Variants in CCDC66 observed in about 807,000 individuals in gnomAD.
The protein encoded by CCDC66 is coiled-coil domain-containing protein 66.
In CCDC66, 133 loss-of-function variants were observed where a neutral mutation model predicts 128.3. The observed-to-expected ratio is 1.04, with a 90% confidence interval of 0.90 to 1.20. The LOEUF is 1.20. Ranked by LOEUF, CCDC66 falls within the 50% of genes most tolerant of loss-of-function variation. The probability of loss-of-function intolerance (pLI) is 0.00; values close to 1 mark genes in which losing one functional copy is unlikely to be tolerated. For synonymous variants in CCDC66, 387 were observed against 357.0 expected (o/e 1.08, Z -0.95); for missense variants, 1,126 against 1,075.5 (o/e 1.05, Z -0.66).
chr3:56,619,668 T>G (rs113441941), intron 16 of CCDC66, 109 bp from the exon 17 acceptor site: 4 of 1,489,208 alleles, frequency 2.7e-6, no homozygotes, highest in African/African-American at 1.4e-5. Context: ...TCTTAGTACT[T>G]TCCTAGGATA....
chr3:56,617,251 A>G lies in CCDC66; in HGVS notation c.1983A>G (p.Glu661=). 1 of 1,614,068 alleles carries G rather than the reference A, an allele frequency of 6.2e-7. No homozygotes were observed. The highest frequency in any genetic ancestry group is 8.5e-7 in the Non-Finnish European group (1 of 1,179,996). ...GQFSTKKNKQ[E]LTQDKGASLE... Reference sequence around the variant, plus strand: ...TTAGCACCAAGAAAAACAAGCAAGAACTAACTCAGGATAAAGGAGCCAGCT... The same window carrying G: ...TTAGCACCAAGAAAAACAAGCAAGAGCTAACTCAGGATAAAGGAGCCAGCT... The change falls in exon 14 of 18, where the codon GAA becomes GAG. Residue 661 remains glutamate (E), a synonymous_variant. Transcript: ENST00000394672.
At chr3:56,558,931 C>T (rs2064731972) in intron 2 of CCDC66, 21 bp downstream of exon 2, 1 of 1,494,524 alleles carries the variant, frequency 6.7e-7, no homozygotes, top group African/African-American at 1.4e-5. Flanking sequence ...TTACAGAAAT[C>T]TGAAATGTTA....
intron 10 of CCDC66, among the ~76,000 whole-genome samples, chr3:56,603,026 G>A (rs981783969): frequency 4.0e-5 from 6 of 151,596 alleles, no homozygotes; most frequent in Middle Eastern, 3.4e-3. Flanking sequence ...TAGTAGAGAC[G>A]GGGTTTCACC....
intron 13 of CCDC66, 125 bp from the exon 14 acceptor site, chr3:56,616,987 T>G: frequency 1.3e-6 from 1 of 773,152 alleles, no homozygotes. Context: ...AGGTTCGGTT[T>G]TGTTGAAAAT....
Position 56,596,921 on chromosome 3 carries a change from A to ATT in CCDC66, c.1404+2910_1404+2911dup, listed in dbSNP as rs34101943. Among the ~76,000 whole-genome samples, 495 of 132,300 alleles carry ATT rather than the reference A, an allele frequency of 3.7e-3. 3 individuals carry two copies. The highest frequency in any genetic ancestry group is 9.7e-3 in the African/African-American group (340 of 34,952). 86.8% of individuals were successfully genotyped at this position (132,300 alleles called of 152,430 possible). A position where few individuals can be genotyped will look rare whatever the true frequency, so the allele number is the denominator to read the frequency against. ...GGGTGCATGCCACCACACCTGGCTA[A>ATT]TTTTTTTTTTTTTTTTTTAGTACAG... is the stretch of plus-strand genomic sequence containing the variant. On this transcript the variant is annotated intron_variant, in intron 10 of 17. Coordinates refer to ENST00000394672, the MANE Select transcript of CCDC66 (RefSeq NM_001141947.3).
At chr3:56,594,080 G>A in intron 10 of CCDC66, 52 bp downstream of exon 10, 1 of 1,466,306 alleles carries the variant, frequency 6.8e-7, no homozygotes, top group Non-Finnish European at 9.6e-7. Flanking sequence ...CAGTCATGGT[G>A]AACATATACC....
chr3:56,590,515 T>C (rs747041928), intron 7 of CCDC66, among the ~76,000 whole-genome samples: 1 of 152,104 alleles, frequency 6.6e-6, no homozygotes, highest in Non-Finnish European at 1.5e-5. Flanking sequence ...AGTGGCTCTT[T>C]GGGAGATCAA....
In CCDC66 at chr3:56,593,714, T is replaced by C; in HGVS notation, c.1292T>C (p.Val431Ala). 1 of 1,612,970 alleles carries C rather than the reference T, an allele frequency of 6.2e-7. No homozygotes were observed. The highest frequency in any genetic ancestry group is 8.5e-7 in the Non-Finnish European group (1 of 1,178,946). ...CATATAGCAAAACCTATTAAGGATG[T>C]GGTTATGGCAAACAGTAAGAAAACA... is the stretch of plus-strand genomic sequence containing the variant. ...EEHIAKPIKD[V>A]VMANSKKTNF... The change falls in exon 9 of 18, where the codon GTG becomes GCG. Residue 431 changes from valine to alanine, a missense_variant. Coordinates refer to ENST00000394672, the MANE Select transcript of CCDC66 (RefSeq NM_001141947.3).
chr3:56,597,923 T>G (rs1029367896), intron 10 of CCDC66, among the ~76,000 whole-genome samples: 1 of 151,456 alleles, frequency 6.6e-6, no homozygotes, highest in African/African-American at 2.4e-5. Flanking sequence ...TACAGGCATG[T>G]GCCACCGCAC....
intron 3 of CCDC66, among the ~76,000 whole-genome samples, chr3:56,563,112 G>A (rs1291578039): frequency 1.3e-5 from 2 of 151,996 alleles, no homozygotes; most frequent in African/African-American, 2.4e-5. Flanking sequence ...TGTAATCCCA[G>A]CTCTTTGGGA....
intron 7 of CCDC66, chr3:56,572,981 C>T (rs544820802): frequency 7.2e-5 from 11 of 152,104 alleles, no homozygotes; most frequent in African/African-American, 1.7e-4. Flanking sequence ...ATGCAGACAC[C>T]GTTAAAAGTT....
intron 10 of CCDC66, among the ~76,000 whole-genome samples, chr3:56,604,764 G>T (rs548326227): frequency 6.6e-6 from 1 of 151,926 alleles, no homozygotes; most frequent in African/African-American, 2.4e-5. Flanking sequence ...GTGTCTTTGG[G>T]TTGCTCTTCT....
intron 14 of CCDC66, 64 bp downstream of exon 14, chr3:56,617,669 C>T (rs994294594): frequency 5.9e-6 from 9 of 1,524,526 alleles, no homozygotes; most frequent in East Asian, 2.3e-5. Flanking sequence ...GTTTCTCATA[C>T]GTATGCTTTG....
intron 7 of CCDC66, 60 bp downstream of exon 7, chr3:56,571,362 T>A: frequency 8.4e-7 from 1 of 1,191,290 alleles, no homozygotes; most frequent in Non-Finnish European, 1.1e-6. Context: ...ATAGAATTTA[T>A]TTTTAAAGCT....
Position 56,584,594 on chromosome 3 carries a change from C to T in CCDC66, c.937-8376C>T, listed in dbSNP as rs1241510691. 2.6e-5 allele frequency among the ~76,000 whole-genome samples: 4 copies of T among 151,122 alleles called. No homozygotes were observed. In the Admixed American group the frequency reaches 2.7e-4, roughly 10 times the overall value. On this transcript the variant is annotated intron_variant, in intron 7 of 17. Coordinates refer to ENST00000394672, the MANE Select transcript of CCDC66 (RefSeq NM_001141947.3). Reference sequence around the variant, plus strand: ...GGGATGGCGGCCGGGAAGAGGCGCTCCTGACTTCCCAGACTGGGCGGCCGG... The same window carrying T: ...GGGATGGCGGCCGGGAAGAGGCGCTTCTGACTTCCCAGACTGGGCGGCCGG...
chr3:56,604,588 TAAG>T (rs2073782203), intron 10 of CCDC66, among the ~76,000 whole-genome samples: 1 of 151,874 alleles, frequency 6.6e-6, no homozygotes, highest in Non-Finnish European at 1.5e-5. Context: ...TTTTTTTTTT[TAAG>T]AATGTTGAAT....
chr3:56,579,132 G>T (rs1222415269), intron 7 of CCDC66, among the ~76,000 whole-genome samples: 4 of 151,836 alleles, frequency 2.6e-5, no homozygotes, highest in African/African-American at 9.6e-5. Flanking sequence ...TGGTTTAGAT[G>T]TGGGAGGGTG....
chr3:56,591,946 G>C (rs2070983376), intron 7 of CCDC66, among the ~76,000 whole-genome samples: 1 of 152,104 alleles, frequency 6.6e-6, no homozygotes, highest in Admixed American at 6.6e-5. Context: ...GAAATGTTTT[G>C]TTGTTTGCCT....
chr3:56,588,423 A>G (rs901735900), intron 7 of CCDC66, among the ~76,000 whole-genome samples: 12 of 152,194 alleles, frequency 7.9e-5, no homozygotes, highest in African/African-American at 2.9e-4. Context: ...CATGTAACCA[A>G]ATACCACCTG....
Sources: gnomAD v4.1 joint callset for allele counts (sites outside exome capture counted in the v4.1 genomes callset) on GRCh38, gnomAD v4.1.1 for gene constraint, MANE v1.5 for transcripts, NCBI Gene and HGNC (gene_info 2026-07-23, HGNC 2026-07-21) for gene names.